The following ADGRD1 variants were observed in gnomAD, a reference collection of about 807,000 sequenced individuals.
ADGRD1 encodes adhesion G protein-coupled receptor D1, also known as G-protein coupled receptor 133.
ADGRD1 carries 77 observed loss-of-function variants against 113.4 expected under a neutral mutation model. The ratio of observed to expected loss-of-function variants is 0.68; its 90% CI spans 0.57 to 0.82. The LOEUF (loss-of-function observed/expected upper bound fraction) is 0.82, where lower values mean the gene tolerates loss of function less well. ADGRD1 is among the 40% of genes least tolerant of loss of function. The probability of loss-of-function intolerance (pLI) is 0.00; values close to 1 mark genes in which losing one functional copy is unlikely to be tolerated. For synonymous variants in ADGRD1, 474 were observed against 475.0 expected, an observed-to-expected ratio of 1.00 and a Z score of 0.03; for missense variants, 1,036 against 1,139.1, an observed-to-expected ratio of 0.91 and a Z score of 1.30.
At chr12:131,025,196 G>A (rs1335194554) in intron 13 of ADGRD1, among the ~76,000 whole-genome samples, 1 of 152,254 alleles carries the variant, frequency 6.6e-6, no homozygotes, top group Non-Finnish European at 1.5e-5. Flanking sequence ...AAGGAATCCT[G>A]TCTTGAAGAG....
chr12:131,029,183 A>T (rs1880325278), intron 13 of ADGRD1, among the ~76,000 whole-genome samples: 1 of 152,184 alleles, frequency 6.6e-6, no homozygotes, highest in Admixed American at 6.5e-5. Flanking sequence ...AGAGCTCTCG[A>T]TGTAGTTCCA....
chr12:131,103,039 G>A (rs141911567), intron 15 of ADGRD1, among the ~76,000 whole-genome samples: 29 of 152,328 alleles, frequency 1.9e-4, no homozygotes, highest in Admixed American at 1.1e-3. Flanking sequence ...GGATTCTTCC[G>A]TCTCCCTGGC....
intron 13 of ADGRD1, among the ~76,000 whole-genome samples, chr12:131,019,507 A>C (rs1240185563): frequency 6.6e-6 from 1 of 152,262 alleles, no homozygotes; most frequent in Non-Finnish European, 1.5e-5. Context: ...TCAGTTTCCC[A>C]GGTCAATGAA....
intron 4 of ADGRD1, among the ~76,000 whole-genome samples, chr12:130,979,836 C>A (rs1872738327): frequency 6.6e-6 from 1 of 151,486 alleles, no homozygotes; most frequent in African/African-American, 2.4e-5. Context: ...CACACACACA[C>A]ACACACACAC....
chr12:131,017,872 A>C (rs1878813379), intron 13 of ADGRD1, among the ~76,000 whole-genome samples: 1 of 148,788 alleles, frequency 6.7e-6, no homozygotes, highest in Admixed American at 6.7e-5. Flanking sequence ...ACACACACTT[A>C]GTATACACAC....
In ADGRD1 at chr12:131,022,187, T is replaced by C. The variant is rs1014465869; in HGVS notation, c.1473+7847T>C. Among the ~76,000 whole-genome samples the C allele has an allele frequency of 6.6e-6, 1 of 152,112 alleles. No homozygotes were observed. The highest frequency in any genetic ancestry group is 1.5e-5 in the Non-Finnish European group (1 of 68,024). On this transcript the variant is annotated intron_variant, in intron 13 of 24. Coordinates refer to ENST00000261654, the MANE Select transcript of ADGRD1 (RefSeq NM_198827.5). The surrounding 1 kb of genome is among the most constrained non-coding windows in gnomAD (Gnocchi z 4.6). ...CAATTCGGCTCCAGCATAGCAAATATGGGATGTGAATGCTCATTGTTGCCG... is the reference window on the plus strand; with the variant it reads ...CAATTCGGCTCCAGCATAGCAAATACGGGATGTGAATGCTCATTGTTGCCG...
At chr12:130,986,261 T>C (rs1166325038) in intron 5 of ADGRD1, among the ~76,000 whole-genome samples, 1 of 152,236 alleles carries the variant, frequency 6.6e-6, no homozygotes, top group East Asian at 1.9e-4. Flanking sequence ...CTTCACAACA[T>C]TGAGTCTTTC....
chr12:131,061,104 C>G (rs944733820), intron 13 of ADGRD1, among the ~76,000 whole-genome samples: 1 of 152,144 alleles, frequency 6.6e-6, no homozygotes, highest in Non-Finnish European at 1.5e-5. Flanking sequence ...TGCAGGTCAG[C>G]GGTATAAGTA....
chr12:131,018,603 C>A (rs1878929567), intron 13 of ADGRD1, among the ~76,000 whole-genome samples: 1 of 152,208 alleles, frequency 6.6e-6, no homozygotes, highest in Non-Finnish European at 1.5e-5. Flanking sequence ...TCTTAGGAAA[C>A]CAGCTTGAGT....
intron 13 of ADGRD1, among the ~76,000 whole-genome samples, chr12:131,035,940 C>A (rs1881321876): frequency 1.3e-5 from 2 of 152,202 alleles, no homozygotes; most frequent in Admixed American, 1.3e-4. Context: ...GAGATTGATT[C>A]ACACCCAAGC....
At chr12:131,111,612 TTG>T (rs140656879) in intron 18 of ADGRD1, among the ~76,000 whole-genome samples, 32,177 of 150,354 alleles carry the variant, frequency 0.21, 4,020 homozygotes, top group South Asian at 0.39. Context: ...TTTTTCTTCA[TTG>T]TTTTTTTTTT....
rs1000625201 is a variant in ADGRD1, at chr12:130,984,536, T to C, written c.490+2473T>C. Among the ~76,000 whole-genome samples, 2 of 151,824 alleles carry C rather than the reference T, an allele frequency of 1.3e-5. No individual in the cohort carries two copies. The highest frequency in any genetic ancestry group is 2.9e-5 in the Non-Finnish European group (2 of 67,944). ...GAGTGCAAAGTTCAGAGAATTCCCA[T>C]TACCCTCCGCCTCTACACAGGCACA... On this transcript the variant is annotated intron_variant, in intron 5 of 24. Coordinates refer to ENST00000261654, the MANE Select transcript of ADGRD1 (RefSeq NM_198827.5). The surrounding 1 kb of genome is among the most constrained non-coding windows in gnomAD (Gnocchi z 4.1).
Position 131,011,208 on chromosome 12 carries a change from T to C in ADGRD1, c.1332-2991T>C, listed in dbSNP as rs114286032. ...CCCACCCTTCCCCACCTCACCTCTG[T>C]CCCCACCTTTACTGGAGGAAAATGC... On this transcript the variant is annotated intron_variant, in intron 12 of 24. Coordinates refer to ENST00000261654, the MANE Select transcript of ADGRD1 (RefSeq NM_198827.5). Among the ~76,000 whole-genome samples, 161 of 143,296 alleles carry C rather than the reference T, an allele frequency of 1.1e-3. 1 individual carries two copies. The highest frequency in any genetic ancestry group is 4.0e-3 in the African/African-American group (151 of 37,902). 94.0% of individuals were successfully genotyped at this position (143,296 alleles called of 152,430 possible). A position where few individuals can be genotyped will look rare whatever the true frequency, so the allele number is the denominator to read the frequency against.
At chr12:131,012,030 G>A (rs1877983995) in intron 12 of ADGRD1, among the ~76,000 whole-genome samples, 1 of 152,180 alleles carries the variant, frequency 6.6e-6, no homozygotes, top group Admixed American at 6.5e-5. Context: ...GCCCACGCAT[G>A]CCCAGTGGTG....
At position 131,041,082 on chromosome 12, in the gene ADGRD1, A is replaced by G. The variant is rs759126605; in HGVS notation, c.1473+26742A>G. ...AGTTGTGACCTGTGGTGATGATGCCACCATTTCTCTGATGCCCTCACTTGT... is the reference window on the plus strand; with the variant it reads ...AGTTGTGACCTGTGGTGATGATGCCGCCATTTCTCTGATGCCCTCACTTGT... On this transcript the variant is annotated intron_variant, in intron 13 of 24. Coordinates refer to ENST00000261654, the MANE Select transcript of ADGRD1 (RefSeq NM_198827.5). The surrounding 1 kb of genome is among the most constrained non-coding windows in gnomAD (Gnocchi z 4.4). Among the ~76,000 whole-genome samples the G allele has an allele frequency of 5.3e-5, 8 of 152,118 alleles. No homozygotes were observed. The highest frequency in any genetic ancestry group is 1.2e-4 in the Non-Finnish European group (8 of 68,016).
chr12:131,118,518 T>TG, intron 19 of ADGRD1, 67 bp downstream of exon 19: 1 of 1,203,136 alleles, frequency 8.3e-7, no homozygotes, highest in Non-Finnish European at 1.2e-6. Flanking sequence ...GAGAGCCCCG[T>TG]GGCTCTTGCC....
chr12:131,028,037 T>A (rs970030042), intron 13 of ADGRD1: 6 of 152,168 alleles, frequency 3.9e-5, no homozygotes, highest in Non-Finnish European at 5.9e-5. Flanking sequence ...ATGTTCAGCA[T>A]GAACAGCTGG....
rs149065791 is a variant in ADGRD1, at chr12:131,014,224, G to A, written c.1357G>A (p.Asp453Asn). Residue 453 changes from aspartate (D) to asparagine (N), a missense_variant, in exon 13 of 25, where the codon GAC becomes AAC. By Grantham distance (23) the Asp-to-Asn change is conservative. Transcript: ENST00000261654. ...GATCGCGGAGGCCATGCATCACCAG[G>A]ACTGCCTGCTGTTCGCCACCAGCCA... ...TKIAEAMHHQDCLLFATSHLI... is the reference protein window; with the variant it reads ...TKIAEAMHHQNCLLFATSHLI... 613 of 1,614,020 alleles carry A rather than the reference G, an allele frequency of 3.8e-4. 2 individuals are homozygous for A. Among genetic ancestry groups the A allele is most frequent in the Non-Finnish European group, 5.1e-4 (600 of 1,180,022 alleles).
In ADGRD1 at chr12:131,123,915, T is replaced by G. The variant is rs540806682; in HGVS notation, c.2175+3002T>G. On this transcript the variant is annotated intron_variant, in intron 20 of 24. Coordinates refer to ENST00000261654, the MANE Select transcript of ADGRD1 (RefSeq NM_198827.5). The stretch of plus-strand genomic sequence containing the variant: ...ACTACCTGCTTTTGTAGATCGAGTT[T>G]TCTTGGCACACAGCCACGTCCATTG... Among the ~76,000 whole-genome samples the G allele has an allele frequency of 1.2e-4, 19 of 152,264 alleles. No individual in the cohort carries two copies. In the South Asian group the frequency reaches 3.9e-3, roughly 32 times the overall value.
Sources: allele counts gnomAD v4.1 joint callset (sites outside exome capture counted in the v4.1 genomes callset), GRCh38; gene constraint gnomAD v4.1.1; non-coding constraint Gnocchi (gnomAD v3.1); transcripts MANE v1.5; gene names NCBI Gene and HGNC (gene_info 2026-07-23, HGNC 2026-07-21).